The following LRCH1 variants were observed in gnomAD, a reference collection of about 807,000 sequenced individuals.
The protein encoded by LRCH1 is leucine rich repeats and calponin homology domain containing 1, also known as leucine-rich repeat and calponin homology domain-containing protein 1.
A neutral mutation model predicts 94.9 loss-of-function variants in LRCH1; 23 were observed. The observed-to-expected ratio is 0.24, with a 90% confidence interval of 0.17 to 0.34. The LOEUF (loss-of-function observed/expected upper bound fraction) is 0.34, where lower values mean the gene tolerates loss of function less well. Ranked by LOEUF, LRCH1 falls within the 10% of genes least tolerant of loss-of-function variation. The pLI, the probability that LRCH1 is intolerant of heterozygous loss-of-function variation, is 1.00. For missense variants in LRCH1, 790 were observed against 945.9 expected, an observed-to-expected ratio of 0.84 and a Z score of 2.16; for synonymous variants, 364 against 354.9, an observed-to-expected ratio of 1.03 and a Z score of -0.29.
intron 15 of LRCH1, among the ~76,000 whole-genome samples, chr13:46,714,392 A>G (rs1025251350): frequency 3.9e-5 from 6 of 152,152 alleles, no homozygotes; most frequent in African/African-American, 1.4e-4. Flanking sequence ...TATTTTTCAC[A>G]TTTTCTGGAA....
chr13:46,743,923 A>AT lies in LRCH1; in HGVS notation c.*2083dup, dbSNP rs1018481377. On this transcript the variant is annotated 3_prime_UTR_variant, in exon 20 of 20. Coordinates refer to ENST00000389797, the MANE Select transcript of LRCH1 (RefSeq NM_001164211.2). ...CAAAGTATTCTTTGGACGCACTTTG[A>AT]TTTTTTTTGTGTCATTAATTTGTCT... 1.8e-5 allele frequency: 18 copies of AT among 984,990 alleles called. No homozygotes were observed. The highest frequency in any genetic ancestry group is 1.2e-4 in the African/African-American group (7 of 57,140). The allele number at this position is 984,990 out of a possible 1,614,324, so 61.0% of individuals were successfully genotyped here.
At chr13:46,583,756 A>C (rs1025653763) in intron 1 of LRCH1, among the ~76,000 whole-genome samples, 1 of 147,106 alleles carries the variant, frequency 6.8e-6, no homozygotes, top group African/African-American at 2.5e-5. Flanking sequence ...CAGCTACGGA[A>C]TTTTTCTATT....
intron 15 of LRCH1, among the ~76,000 whole-genome samples, 160 bp from the exon 16 acceptor site, chr13:46,715,400 C>T (rs942630123): frequency 2.0e-5 from 3 of 152,200 alleles, no homozygotes; most frequent in African/African-American, 4.8e-5. Flanking sequence ...ATCTTTCATT[C>T]TTCTCCTATA....
intron 1 of LRCH1, among the ~76,000 whole-genome samples, chr13:46,571,773 C>G (rs1201619600): frequency 1.3e-5 from 2 of 152,190 alleles, no homozygotes; most frequent in Non-Finnish European, 2.9e-5. Flanking sequence ...CCTCTCTGAA[C>G]TTCTCATTTC....
intron 1 of LRCH1, among the ~76,000 whole-genome samples, chr13:46,632,372 T>C (rs2051029209): frequency 6.6e-6 from 1 of 152,172 alleles, no homozygotes. Flanking sequence ...GTCTGCCCCA[T>C]ACATATGCCT....
chr13:46,571,500 A>C (rs1404263534), intron 1 of LRCH1, among the ~76,000 whole-genome samples: 3 of 152,178 alleles, frequency 2.0e-5, no homozygotes, highest in African/African-American at 2.4e-5. Context: ...GTTTTCTCGA[A>C]GCGGGCTAGG....
At chr13:46,604,113 A>G (rs1318998755) in intron 1 of LRCH1, among the ~76,000 whole-genome samples, 2 of 151,992 alleles carry the variant, frequency 1.3e-5, no homozygotes, top group Non-Finnish European at 2.9e-5. Context: ...AATACAAGAC[A>G]CCCAGTTAAA....
chr13:46,711,738 C>T lies in LRCH1; in HGVS notation c.1528-53C>T, dbSNP rs1012410531. On this transcript the variant is annotated intron_variant, in intron 13 of 19. Transcript: ENST00000389797. Reference sequence around the variant, plus strand: ...AGTAAGAAAGATGAATTTCTTGCCTCAACAGTTTCACAGTCTAATGGAACA... The same window carrying T: ...AGTAAGAAAGATGAATTTCTTGCCTTAACAGTTTCACAGTCTAATGGAACA... The T allele has an allele frequency of 4.2e-6, 6 of 1,421,462 alleles. No individual in the cohort carries two copies. The South Asian group carries it at 6.0e-5, about 14-fold the overall frequency. The allele number at this position is 1,421,462 out of a possible 1,614,324, so 88.1% of individuals were successfully genotyped here.
downstream of LRCH1, among the ~76,000 whole-genome samples, chr13:46,749,027 T>G (rs1874020223): frequency 6.6e-6 from 1 of 152,172 alleles, no homozygotes; most frequent in South Asian, 2.1e-4. Flanking sequence ...CTCCGGTAAT[T>G]TTTGGAGAGT....
chr13:46,581,700 G>C (rs566386523), intron 1 of LRCH1, among the ~76,000 whole-genome samples: 3 of 152,246 alleles, frequency 2.0e-5, no homozygotes, highest in Non-Finnish European at 4.4e-5. Context: ...AATGTCCTTC[G>C]CCACTTTATA....
chr13:46,721,507 G>T (rs1379593699), intron 16 of LRCH1, among the ~76,000 whole-genome samples: 2 of 152,106 alleles, frequency 1.3e-5, no homozygotes, highest in African/African-American at 4.8e-5. Context: ...TCTTCCATGC[G>T]TCTTAATTTG....
Position 46,742,026 on chromosome 13 carries a change from A to G in LRCH1, c.*178A>G. 6.9e-7 allele frequency: 1 copy of G among 1,457,444 alleles called. No homozygotes were observed. The highest frequency in any genetic ancestry group is 9.0e-7 in the Non-Finnish European group (1 of 1,112,834). 90.3% of individuals were successfully genotyped at this position (1,457,444 alleles called of 1,614,324 possible). A position where few individuals can be genotyped will look rare whatever the true frequency, so the allele number is the denominator to read the frequency against. On this transcript the variant is annotated 3_prime_UTR_variant, in exon 20 of 20. Coordinates refer to ENST00000389797, the MANE Select transcript of LRCH1 (RefSeq NM_001164211.2). ...TCCAGAAGCACAAACTTTGTAGAAT[A>G]CAGTTTAGTATAATTCCTCTCACTT...
At chr13:46,671,914 G>C (rs9645995) in intron 3 of LRCH1, among the ~76,000 whole-genome samples, 9,686 of 152,092 alleles carry the variant, frequency 0.064, 494 homozygotes, top group African/African-American at 0.15. Flanking sequence ...GAACCTATCC[G>C]GACACATCAA....
downstream of LRCH1, among the ~76,000 whole-genome samples, chr13:46,748,993 C>G (rs1378324712): frequency 2.0e-5 from 3 of 152,166 alleles, no homozygotes; most frequent in African/African-American, 7.2e-5. Flanking sequence ...CTTTGAAAGT[C>G]TTTTAAGCAC....
At chr13:46,698,243 T>C (rs1271169285) in intron 9 of LRCH1, among the ~76,000 whole-genome samples, 1 of 152,178 alleles carries the variant, frequency 6.6e-6, no homozygotes, top group Non-Finnish European at 1.5e-5. Context: ...TGCCAGAACC[T>C]TGACACCAAA....
chr13:46,742,494 A>T lies in LRCH1; in HGVS notation c.*646A>T. The T allele has an allele frequency of 1.0e-6, 1 of 985,684 alleles. No homozygotes were observed. Among genetic ancestry groups the T allele is most frequent in the Non-Finnish European group, 1.2e-6 (1 of 830,178 alleles). 61.1% of individuals were successfully genotyped at this position (985,684 alleles called of 1,614,324 possible). ...CTGGGCAGTGTGGCCGCCAACTTCC[A>T]CCCCGGCAAGCCCCTCTGTCCTATG... On this transcript the variant is annotated 3_prime_UTR_variant, in exon 20 of 20. Transcript: ENST00000389797.
chr13:46,560,583 A>G (rs926860855), intron 1 of LRCH1, among the ~76,000 whole-genome samples: 2 of 152,122 alleles, frequency 1.3e-5, no homozygotes, highest in Non-Finnish European at 2.9e-5. Flanking sequence ...AAACCCAACT[A>G]TTTTTCCATA....
chr13:46,575,513 T>TGTGG (rs2050294258), intron 1 of LRCH1, among the ~76,000 whole-genome samples: 1 of 138,484 alleles, frequency 7.2e-6, no homozygotes, highest in African/African-American at 2.6e-5. Context: ...TGCATGAATG[T>TGTGG]GTGTGTGTGT....
chr13:46,606,209 G>C lies in LRCH1; in HGVS notation c.308-43992G>C, dbSNP rs369174256. Among the ~76,000 whole-genome samples the C allele has an allele frequency of 4.1e-4, 63 of 151,812 alleles. No homozygotes were observed. In the South Asian group the frequency reaches 0.013, roughly 32 times the overall value. ...GTCGTTCTAAAGTACTTAACCTTCT[G>C]AAATCTTATTTTGACCATGTAGAAC... On this transcript the variant is annotated intron_variant, in intron 1 of 19. Transcript: ENST00000389797.
Sources: gnomAD v4.1 joint callset for allele counts (sites outside exome capture counted in the v4.1 genomes callset) on GRCh38, gnomAD v4.1.1 for gene constraint, MANE v1.5 for transcripts, NCBI Gene and HGNC (gene_info 2026-07-23, HGNC 2026-07-21) for gene names.